AAGAB: variants seen among roughly 807,000 people sequenced by gnomAD.
AAGAB encodes alpha and gamma adaptin binding protein, also known as alpha- and gamma-adaptin-binding protein p34.
A neutral mutation model predicts 44.1 loss-of-function variants in AAGAB; 38 were observed. The observed-to-expected ratio is 0.86, with a 90% CI of 0.67 to 1.13. The LOEUF is 1.13. Among genes scored for constraint, AAGAB ranks in the 50% most tolerant of loss-of-function variants. The pLI is 0.00. For synonymous variants in AAGAB, 131 were observed against 131.8 expected (o/e 0.99, Z 0.04); for missense variants, 450 against 373.8 (o/e 1.20, Z -1.68).
At chr15:67,222,259 C>CACACAA in intron 5 of AAGAB, among the ~76,000 whole-genome samples, 1 of 149,688 alleles carries the variant, frequency 6.7e-6, no homozygotes, top group Non-Finnish European at 1.5e-5. Flanking sequence ...CACACACACA[C>CACACAA]ACACACACAC....
At position 67,239,281 on chromosome 15, in the gene AAGAB, T is replaced by C. The variant is rs560472953; in HGVS notation, c.74-2461A>G. Among the ~76,000 whole-genome samples, 42 of 152,356 alleles carry C rather than the reference T, an allele frequency of 2.8e-4. 1 individual carries two copies. The highest frequency in any genetic ancestry group is 8.7e-4 in the African/African-American group (36 of 41,576). ...CTAACTGCAATTTAAAATTACTAAC[T>C]GCAATTTAAAATATTTAGATCCATT... On this transcript the variant is annotated intron_variant, in intron 1 of 9. Transcript: ENST00000261880.
chr15:67,224,903 A>T (rs558118595), intron 5 of AAGAB, among the ~76,000 whole-genome samples: 4 of 152,152 alleles, frequency 2.6e-5, no homozygotes, highest in Non-Finnish European at 5.9e-5. Context: ...TCAATACTAC[A>T]TAATTTAGGA....
At chr15:67,237,087 A>AT (rs1029141874) in intron 1 of AAGAB, among the ~76,000 whole-genome samples, 5 of 152,182 alleles carry the variant, frequency 3.3e-5, no homozygotes, top group African/African-American at 1.2e-4. Context: ...GTAAAGGAAA[A>AT]AACAGTCATA....
chr15:67,213,154 G>A (rs111864150), intron 5 of AAGAB, among the ~76,000 whole-genome samples: 1 of 152,214 alleles, frequency 6.6e-6, no homozygotes, highest in African/African-American at 2.4e-5. Context: ...TTAAACTGTG[G>A]TCCTAAAAAC....
chr15:67,216,537 T>G (rs182396670), intron 5 of AAGAB, among the ~76,000 whole-genome samples: 220 of 150,692 alleles, frequency 1.5e-3, no homozygotes, highest in Admixed American at 4.7e-3. Flanking sequence ...AGTTGTTGTT[T>G]TTTTTTTTCC....
chr15:67,255,182 ACT>A (rs1489725706), upstream of AAGAB: 1 of 580,420 alleles, frequency 1.7e-6, no homozygotes, highest in East Asian at 2.8e-5. Flanking sequence ...CTCTGGGAAA[ACT>A]CTAAAACCGT....
rs376496786 is a variant in AAGAB at position 67,252,005 on chromosome 15, C to T, written c.73+2554G>A. On this transcript the variant is annotated intron_variant, in intron 1 of 9. Coordinates refer to ENST00000261880, the MANE Select transcript of AAGAB (RefSeq NM_024666.5). ...TGTTCTTCTTTTATTTTTTACTACA[C>T]GACAGTAACGAGTTGCAATGGAAAG... 4.6e-5 allele frequency among the ~76,000 whole-genome samples: 7 copies of T among 152,252 alleles called. No individual in the cohort carries two copies. In the South Asian group the frequency reaches 8.3e-4, roughly 18 times the overall value.
intron 1 of AAGAB, among the ~76,000 whole-genome samples, chr15:67,253,259 ACGG>A (rs1412955860): frequency 1.1e-3 from 3 of 2,684 alleles, no homozygotes; most frequent in East Asian, 0.017. Context: ...ACCCCGTATG[ACGG>A]GGGGGGGGGG....
At chr15:67,239,001 G>C (rs984260118) in intron 1 of AAGAB, among the ~76,000 whole-genome samples, 2 of 152,116 alleles carry the variant, frequency 1.3e-5, no homozygotes, top group Admixed American at 1.3e-4. Context: ...ACCCATTCTT[G>C]GGTAATTTTT....
rs1271393973 is a variant in AAGAB at position 67,236,396 on chromosome 15, C to T, written c.361+12G>A. ...TGCATGTACCAACTACTGTCCCATC[C>T]ACAGGCCTTACCATCTTCAGACACT... On this transcript the variant is annotated intron_variant, in intron 3 of 9. Transcript: ENST00000261880. 1.2e-6 allele frequency: 2 copies of T among 1,612,246 alleles called. No homozygotes were observed. The highest frequency in any genetic ancestry group is 1.7e-6 in the Non-Finnish European group (2 of 1,178,630).
chr15:67,231,981 C>T (rs1190058121), intron 4 of AAGAB, 84 bp from the exon 5 acceptor site: 9 of 1,169,334 alleles, frequency 7.7e-6, no homozygotes, highest in East Asian at 2.6e-5. Flanking sequence ...TGGCCAGGCA[C>T]GGTGGCTCAT....
chr15:67,254,725 CGTTCTCGGAATGA>C (rs1965042235), upstream of AAGAB: 2 of 1,398,390 alleles, frequency 1.4e-6, no homozygotes, highest in Non-Finnish European at 2.0e-6. Context: ...CCGGAGAGGG[CGTTCTCGGAATGA>C]CCAGGCTGGC....
In AAGAB at chr15:67,229,800, C is replaced by T. The variant is rs12915085; in HGVS notation, c.535+2014G>A. Among the ~76,000 whole-genome samples the T allele has an allele frequency of 2.6e-5, 4 of 151,720 alleles. No individual in the cohort carries two copies. The South Asian group carries it at 6.2e-4, about 24-fold the overall frequency. On this transcript the variant is annotated intron_variant, in intron 5 of 9. Coordinates refer to ENST00000261880, the MANE Select transcript of AAGAB (RefSeq NM_024666.5). ...CCGGTCTTCTACTTGACCTTTATCA[C>T]GGAAGATGGGGTAAGCTCACTGTAA...
At chr15:67,254,753 C>T (rs1965043701), upstream of AAGAB, 2 of 1,337,484 alleles carry the variant, frequency 1.5e-6, no homozygotes, top group Non-Finnish European at 2.1e-6. Flanking sequence ...GCTGGCCTGA[C>T]CCCGCCCCTA....
intron 5 of AAGAB, among the ~76,000 whole-genome samples, chr15:67,222,242 G>GCGCACGCACACACACACACACACA (rs1367738219): frequency 1.1e-5 from 1 of 90,044 alleles, no homozygotes; most frequent in African/African-American, 3.8e-5. Context: ...GCGCGCGCGC[G>GCGCACGCACACACACACACACACA]CACACACACA....
At chr15:67,218,956 G>A (rs1476893144) in intron 5 of AAGAB, among the ~76,000 whole-genome samples, 1 of 152,148 alleles carries the variant, frequency 6.6e-6, no homozygotes, top group African/African-American at 2.4e-5. Context: ...TATCTAAAAA[G>A]CGCCACCCAA....
intron 4 of AAGAB, chr15:67,232,535 C>A (rs762820261): frequency 2.6e-6 from 1 of 383,718 alleles, no homozygotes; most frequent in South Asian, 2.3e-5. Context: ...TCCTTCACCC[C>A]GGGAAGGCAA....
At chr15:67,249,653 G>A (rs1239590136) in intron 1 of AAGAB, among the ~76,000 whole-genome samples, 1 of 152,258 alleles carries the variant, frequency 6.6e-6, no homozygotes, top group African/African-American at 2.4e-5. Flanking sequence ...TTTTAAAACC[G>A]TTTAGGGGTT....
chr15:67,203,423 A>C (rs1963612696), intron 9 of AAGAB, 125 bp downstream of exon 9: 1 of 819,736 alleles, frequency 1.2e-6, no homozygotes, highest in African/African-American at 1.7e-5. Context: ...AATTAGTTAG[A>C]AGTTAATATT....
Sources: gnomAD v4.1 joint callset for allele counts (sites outside exome capture counted in the v4.1 genomes callset) on GRCh38, gnomAD v4.1.1 for gene constraint, MANE v1.5 for transcripts, NCBI Gene and HGNC (gene_info 2026-07-23, HGNC 2026-07-21) for gene names.